Variants in SIL1 observed in about 807,000 individuals in gnomAD.
SIL1 encodes SIL1 nucleotide exchange factor, also known as nucleotide exchange factor SIL1.
Under a neutral mutation model 49.1 loss-of-function variants are expected in SIL1, and 40 were observed. That is an observed-to-expected ratio of 0.81 (90% CI 0.63 to 1.06). SIL1 has a LOEUF of 1.06. Ranked by LOEUF, SIL1 falls within the 50% of genes least tolerant of loss-of-function variation. The pLI is 0.00. For missense variants in SIL1, 500 were observed against 572.6 expected, an observed-to-expected ratio of 0.87 and a Z score of 1.29; for synonymous variants, 253 against 250.8, an observed-to-expected ratio of 1.01 and a Z score of -0.08.
intron 7 of SIL1, among the ~76,000 whole-genome samples, chr5:138,980,899 T>G (rs1767503536): frequency 6.6e-6 from 1 of 152,114 alleles, no homozygotes; most frequent in East Asian, 1.9e-4. Flanking sequence ...GGCAGCCTCA[T>G]GTTCTTATGA....
intron 1 of SIL1, among the ~76,000 whole-genome samples, chr5:139,180,381 C>CAAAAAAAA (rs35534058): frequency 3.5e-5 from 2 of 57,048 alleles, no homozygotes; most frequent in African/African-American, 7.4e-5. Context: ...AACTCCATCT[C>CAAAAAAAA]AAAAAAAAAA....
intron 2 of SIL1, among the ~76,000 whole-genome samples, chr5:139,121,549 A>T (rs1437650570): frequency 6.6e-6 from 1 of 152,248 alleles, no homozygotes; most frequent in African/African-American, 2.4e-5. Context: ...TAAAACTCGC[A>T]CATATTATTT....
At chr5:139,176,927 CTTTTTT>C (rs70982757) in intron 1 of SIL1, among the ~76,000 whole-genome samples, 114 of 95,810 alleles carry the variant, frequency 1.2e-3, no homozygotes, top group African/African-American at 4.0e-3. Flanking sequence ...AGCTGAGATT[CTTTTTT>C]TTTTTTTTTT....
chr5:139,109,361 A>G (rs537653357), intron 3 of SIL1, among the ~76,000 whole-genome samples: 1 of 152,334 alleles, frequency 6.6e-6, no homozygotes, highest in Non-Finnish European at 1.5e-5. Context: ...GTTTAGGGAC[A>G]TAAGAATTAA....
chr5:139,048,050 G>A (rs1011518717), intron 4 of SIL1, among the ~76,000 whole-genome samples: 4 of 152,222 alleles, frequency 2.6e-5, no homozygotes, highest in Non-Finnish European at 5.9e-5. Context: ...AGGTGGTAGA[G>A]AAGTGAGTTC....
chr5:138,987,862 G>A (rs1208777517), intron 7 of SIL1, among the ~76,000 whole-genome samples: 1 of 152,196 alleles, frequency 6.6e-6, no homozygotes, highest in Non-Finnish European at 1.5e-5. Context: ...TGAGACAAGA[G>A]TTTTGCTCTT....
At chr5:139,041,826 A>C (rs1359239462) in intron 5 of SIL1, among the ~76,000 whole-genome samples, 8 of 152,010 alleles carry the variant, frequency 5.3e-5, no homozygotes, top group East Asian at 1.9e-4. Context: ...AACAAAAAAA[A>C]AAAAAAACAA....
At position 138,951,772 on chromosome 5, in the gene SIL1, G is replaced by A; in HGVS notation, c.864+16C>T. 1.2e-6 allele frequency: 2 copies of A among 1,611,536 alleles called. No homozygotes were observed. Among genetic ancestry groups the A allele is most frequent in the Non-Finnish European group, 1.7e-6 (2 of 1,177,798 alleles). ...TGTCCTGGAGGCTGGGCAGGAGGAA[G>A]GGCATGGAAACACACCTTCTTCTTT... is the stretch of plus-strand genomic sequence containing the variant. On this transcript the variant is annotated intron_variant, in intron 8 of 9. Coordinates refer to ENST00000394817, the MANE Select transcript of SIL1 (RefSeq NM_022464.5).
chr5:139,003,259 G>A (rs1418724191), intron 7 of SIL1, among the ~76,000 whole-genome samples: 1 of 152,140 alleles, frequency 6.6e-6, no homozygotes, highest in East Asian at 1.9e-4. Flanking sequence ...CAGTTGCCTG[G>A]GACTTGGCCT....
intron 3 of SIL1, among the ~76,000 whole-genome samples, chr5:139,096,037 C>T (rs548666312): frequency 1.3e-5 from 2 of 152,220 alleles, no homozygotes; most frequent in African/African-American, 2.4e-5. Context: ...CGCTGAAAGA[C>T]GCACTGAAGA....
At chr5:138,988,638 T>C (rs1473918433) in intron 7 of SIL1, among the ~76,000 whole-genome samples, 6 of 152,240 alleles carry the variant, frequency 3.9e-5, no homozygotes, top group Admixed American at 3.9e-4. Context: ...AAGCTCTTTA[T>C]GGACTGATAA....
At chr5:139,052,475 A>G (rs1242282055) in intron 3 of SIL1, among the ~76,000 whole-genome samples, 1 of 152,208 alleles carries the variant, frequency 6.6e-6, no homozygotes, top group Non-Finnish European at 1.5e-5. Flanking sequence ...ACCTGAGGTC[A>G]GGAGTTCGAG....
intron 9 of SIL1, among the ~76,000 whole-genome samples, 174 bp downstream of exon 9, chr5:138,950,997 C>T (rs1042992928): frequency 1.3e-5 from 2 of 152,230 alleles, no homozygotes; most frequent in East Asian, 1.9e-4. Context: ...CCACATCTCA[C>T]ATGACATACT....
Position 139,151,958 on chromosome 5 carries a change from T to C in SIL1, c.-10-24105A>G, listed in dbSNP as rs376781919. ...ATCCTACTTTCCAAAACTTTTCCAA[T>C]TGATACAACATTGTCATAAAAAATT... On this transcript the variant is annotated intron_variant, in intron 1 of 9. Coordinates refer to ENST00000394817, the MANE Select transcript of SIL1 (RefSeq NM_022464.5). 9.2e-4 allele frequency among the ~76,000 whole-genome samples: 140 copies of C among 152,308 alleles called. 2 individuals are homozygous for C. The South Asian group carries it at 0.02, about 22-fold the overall frequency.
Position 139,189,808 on chromosome 5 carries a change from G to A in SIL1, c.-11+8461C>T, listed in dbSNP as rs182422117. On this transcript the variant is annotated intron_variant, in intron 1 of 9. Transcript: ENST00000394817. ...TGAACTCCAGCCTGGGTGATGGAGT[G>A]AGACTCTGTCTCAAAAATAATAATA... Among the ~76,000 whole-genome samples the A allele has an allele frequency of 7.9e-5, 12 of 152,292 alleles. No homozygotes were observed. In the East Asian group the frequency reaches 2.3e-3, roughly 29 times the overall value.
chr5:139,019,626 T>C (rs1017190057), intron 7 of SIL1, among the ~76,000 whole-genome samples: 1 of 152,324 alleles, frequency 6.6e-6, no homozygotes, highest in Non-Finnish European at 1.5e-5. Context: ...GCACAGCCCC[T>C]GGGTGAGTTA....
intron 1 of SIL1, among the ~76,000 whole-genome samples, chr5:139,195,909 G>A (rs1752260819): frequency 6.6e-6 from 1 of 152,204 alleles, no homozygotes; most frequent in Admixed American, 6.5e-5. Flanking sequence ...TATAGGCTGT[G>A]TGCAGTGGCT....
At chr5:139,112,819 C>T (rs961643511) in intron 3 of SIL1, among the ~76,000 whole-genome samples, 6 of 152,160 alleles carry the variant, frequency 3.9e-5, no homozygotes, top group Admixed American at 1.3e-4. Flanking sequence ...TCATTGAGAA[C>T]GGGCCATGAT....
chr5:138,956,669 G>A (rs1355128519), intron 7 of SIL1, among the ~76,000 whole-genome samples: 2 of 151,608 alleles, frequency 1.3e-5, no homozygotes, highest in African/African-American at 4.9e-5. Flanking sequence ...CTTGAACCCA[G>A]GAGGTAGAGG....
Sources: gnomAD v4.1 joint callset for allele counts (sites outside exome capture counted in the v4.1 genomes callset) on GRCh38, gnomAD v4.1.1 for gene constraint, MANE v1.5 for transcripts, NCBI Gene and HGNC (gene_info 2026-07-23, HGNC 2026-07-21) for gene names.